UGT2B4: variants seen among roughly 807,000 people sequenced by gnomAD.
The protein encoded by UGT2B4 is UDP glucuronosyltransferase family 2 member B4.
A neutral mutation model predicts 49.8 loss-of-function variants in UGT2B4; 49 were observed. That is an observed-to-expected ratio of 0.98 (90% confidence interval 0.78 to 1.25). UGT2B4 has a LOEUF of 1.25. Among genes scored for constraint, UGT2B4 ranks in the 50% most tolerant of loss-of-function variants. The pLI, the probability that UGT2B4 is intolerant of heterozygous loss-of-function variation, is 0.00. For missense variants in UGT2B4, 729 were observed against 627.7 expected (o/e 1.16, Z -1.73); for synonymous variants, 246 against 217.7 (o/e 1.13, Z -1.14).
Position 69,495,573 on chromosome 4 carries a change from A to C in UGT2B4, c.289T>G (p.Trp97Gly). ...EDIIKQLVKR[W>G]AELPKDTFWS... ...AATGTGTCTTTTGGAAGTTCTGCCC[A>C]TCTCTTAACCAGCTGCTTGATAATA... The change falls in exon 1 of 6, where the codon TGG becomes GGG. Residue 97 changes from tryptophan (W) to glycine (G), a missense_variant. Trp to Gly is a radical substitution (Grantham distance 184). Coordinates refer to ENST00000305107, the MANE Select transcript of UGT2B4 (RefSeq NM_021139.3). 1 of 1,613,934 alleles carries C rather than the reference A, an allele frequency of 6.2e-7. No individual in the cohort carries two copies. The highest frequency in any genetic ancestry group is 8.5e-7 in the Non-Finnish European group (1 of 1,179,968).
intron 1 of UGT2B4, among the ~76,000 whole-genome samples, chr4:69,512,029 T>C (rs956775562): frequency 6.6e-6 from 1 of 151,994 alleles, no homozygotes; most frequent in African/African-American, 2.4e-5. Context: ...TTTTATTTGA[T>C]TATTCTATTT....
intron 1 of UGT2B4, among the ~76,000 whole-genome samples, chr4:69,519,330 G>C (rs746624607): frequency 2.0e-5 from 3 of 152,072 alleles, no homozygotes; most frequent in Non-Finnish European, 2.9e-5. Context: ...CATCCAAATG[G>C]CCTGATGAAA....
rs1560429733 is a variant in UGT2B4, at chr4:69,480,622, C to T, written c.*12G>A. ...ATTTATTGGGTTTCCCAGCTTCCAGCCTCAGACGTAATTAATCTCTTTTCC... is the reference window on the plus strand; with the variant it reads ...ATTTATTGGGTTTCCCAGCTTCCAGTCTCAGACGTAATTAATCTCTTTTCC... On this transcript the variant is annotated 3_prime_UTR_variant, in exon 6 of 6. Coordinates refer to ENST00000305107, the MANE Select transcript of UGT2B4 (RefSeq NM_021139.3). 2 of 1,611,040 alleles carry T rather than the reference C, an allele frequency of 1.2e-6. No individual in the cohort carries two copies. The highest frequency in any genetic ancestry group is 1.7e-5 in the Admixed American group (1 of 59,892).
intron 1 of UGT2B4, among the ~76,000 whole-genome samples, chr4:69,513,885 T>G (rs1488829396): frequency 6.6e-6 from 1 of 152,216 alleles, no homozygotes; most frequent in Non-Finnish European, 1.5e-5. Flanking sequence ...TCCCTGCTGT[T>G]GATGCATAAG....
upstream of UGT2B4, among the ~76,000 whole-genome samples, chr4:69,499,035 C>T (rs926949090): frequency 6.6e-6 from 1 of 152,004 alleles, no homozygotes; most frequent in Non-Finnish European, 1.5e-5. Context: ...ATGCTTTAGC[C>T]GCATCTCAGA....
At chr4:69,486,770 A>T in intron 3 of UGT2B4, 74 bp from the exon 4 acceptor site, 2 of 1,153,296 alleles carry the variant, frequency 1.7e-6, no homozygotes, top group Non-Finnish European at 2.5e-6. Context: ...ATCTAAAGAG[A>T]TTAACAATGA....
chr4:69,500,931 T>C (rs374973826), intron 1 of UGT2B4, among the ~76,000 whole-genome samples: 126 of 152,180 alleles, frequency 8.3e-4, no homozygotes, highest in African/African-American at 2.8e-3. Flanking sequence ...GAGTTTTAGA[T>C]ACCCCAGCTT....
At chr4:69,496,914 A>G (rs1390908387), upstream of UGT2B4, among the ~76,000 whole-genome samples, 1 of 150,512 alleles carries the variant, frequency 6.6e-6, no homozygotes, top group Non-Finnish European at 1.5e-5. Context: ...CTATTCCTAT[A>G]GACTTTGTTG....
At chr4:69,518,083 G>T (rs988612874) in intron 1 of UGT2B4, 4 of 152,202 alleles carry the variant, frequency 2.6e-5, no homozygotes, top group Admixed American at 6.5e-5. Flanking sequence ...TGACTGCCAG[G>T]AGGTCAAGCT....
chr4:69,490,598 C>G (rs1021736766), intron 2 of UGT2B4, among the ~76,000 whole-genome samples: 1 of 152,134 alleles, frequency 6.6e-6, no homozygotes, highest in Non-Finnish European at 1.5e-5. Context: ...AATTTAAATA[C>G]TTTCAGATTT....
At chr4:69,495,033 T>G (rs1728103417) in intron 1 of UGT2B4, 108 bp downstream of exon 1, 4 of 1,023,184 alleles carry the variant, frequency 3.9e-6, no homozygotes, top group Non-Finnish European at 5.4e-6. Context: ...TTTGATAAAT[T>G]CATTACAAAA....
At chr4:69,483,089 G>A (rs944581447) in intron 5 of UGT2B4, among the ~76,000 whole-genome samples, 6 of 151,920 alleles carry the variant, frequency 3.9e-5, no homozygotes, top group Non-Finnish European at 7.4e-5. Flanking sequence ...ATTGAGAGTG[G>A]AATTGTTGAA....
intron 3 of UGT2B4, among the ~76,000 whole-genome samples, chr4:69,487,408 T>C (rs1355706857): frequency 2.0e-5 from 3 of 152,168 alleles, no homozygotes; most frequent in Non-Finnish European, 4.4e-5. Flanking sequence ...AAATATTATG[T>C]AGCCATAAAA....
Position 69,505,792 on chromosome 4 carries a change from T to TC in UGT2B4, c.-105-9827_-105-9826insG, listed in dbSNP as rs1728453934. 2.0e-5 allele frequency among the ~76,000 whole-genome samples: 3 copies of TC among 152,270 alleles called. No homozygotes were observed. The South Asian group carries it at 6.2e-4, about 32-fold the overall frequency. Reference sequence around the variant, plus strand: ...CTCATTGCCACAGGACACTTTCTCTTTAATTGATTACATAATCAGAAGTGA... The same window carrying TC: ...CTCATTGCCACAGGACACTTTCTCTTCTAATTGATTACATAATCAGAAGTGA... On this transcript the variant is annotated intron_variant, in intron 1 of 1. Coordinates refer to the UGT2B4 transcript ENST00000510114.
At position 69,495,800 on chromosome 4, in the gene UGT2B4, C is replaced by T. The variant is rs192108434; in HGVS notation, c.62G>A (p.Gly21Glu). The T allele has an allele frequency of 1.9e-5, 31 of 1,613,450 alleles. No homozygotes were observed. The highest frequency in any genetic ancestry group is 2.6e-5 in the Non-Finnish European group (31 of 1,179,762). ...LIQLSCYFSS[G>E]SCGKVLVWPT... ...CCACACCAGCACCTTTCCACAACTC[C>T]CAGAGCTAAAGTAACAGCTCAGCTG... The change falls in exon 1 of 6, where the codon GGG becomes GAG. Residue 21 changes from glycine to glutamate, a missense_variant. Transcript: ENST00000305107.
Position 69,480,348 on chromosome 4 carries a change from G to T in UGT2B4, c.*286C>A. On this transcript the variant is annotated 3_prime_UTR_variant, in exon 6 of 6. Transcript: ENST00000305107. ...TTAAGCTTAGTAAATTTTTTTTCATGTAACCTGTGAATTGGAACAATAAAT... is the reference window on the plus strand; with the variant it reads ...TTAAGCTTAGTAAATTTTTTTTCATTTAACCTGTGAATTGGAACAATAAAT... 2 of 306,086 alleles carry T rather than the reference G, an allele frequency of 6.5e-6. No homozygotes were observed. The highest frequency in any genetic ancestry group is 1.2e-5 in the Non-Finnish European group (2 of 167,638). The allele number at this position is 306,086 out of a possible 1,614,324, so 19.0% of individuals were successfully genotyped here.
At chr4:69,508,380 T>C (rs1728525673) in intron 1 of UGT2B4, among the ~76,000 whole-genome samples, 1 of 152,134 alleles carries the variant, frequency 6.6e-6, no homozygotes, top group African/African-American at 2.4e-5. Flanking sequence ...TAAACAATTC[T>C]ATTATAAAGA....
chr4:69,491,511 T>G (rs41297371), intron 2 of UGT2B4, among the ~76,000 whole-genome samples: 1 of 151,972 alleles, frequency 6.6e-6, no homozygotes, highest in Non-Finnish European at 1.5e-5. Context: ...TCTTAAAGTA[T>G]GCATAAATTA....
chr4:69,502,667 C>T (rs79033681), intron 1 of UGT2B4, among the ~76,000 whole-genome samples: 3,711 of 152,250 alleles, frequency 0.024, 71 homozygotes, highest in Non-Finnish European at 0.038. Context: ...CCTGCCAGAA[C>T]TATTGAGCTA....
Sources: gnomAD v4.1 joint callset for allele counts (sites outside exome capture counted in the v4.1 genomes callset) on GRCh38, gnomAD v4.1.1 for gene constraint, MANE v1.5 for transcripts, NCBI Gene and HGNC (gene_info 2026-07-23, HGNC 2026-07-21) for gene names.